BANK1: variants seen among roughly 807,000 people sequenced by gnomAD.
BANK1 encodes B-cell scaffold protein with ankyrin repeats.
A neutral mutation model predicts 94.5 loss-of-function variants in BANK1; 95 were observed. The observed-to-expected ratio is 1.00, with a 90% CI of 0.85 to 1.19. The LOEUF is 1.19. BANK1 is among the 50% of genes most tolerant of loss of function. The pLI, the probability that BANK1 is intolerant of heterozygous loss-of-function variation, is 0.00. For missense variants in BANK1, 987 were observed against 932.2 expected (o/e 1.06, Z -0.77); for synonymous variants, 334 against 308.4 (o/e 1.08, Z -0.87).
chr4:101,840,440 G>T (rs1379713641), intron 2 of BANK1, among the ~76,000 whole-genome samples: 1 of 152,134 alleles, frequency 6.6e-6, no homozygotes, highest in Non-Finnish European at 1.5e-5. Context: ...AATCTCTGAA[G>T]CACTGTGACT....
intron 1 of BANK1, among the ~76,000 whole-genome samples, chr4:101,826,286 C>T (rs907066946): frequency 1.3e-5 from 2 of 151,904 alleles, no homozygotes; most frequent in Non-Finnish European, 2.9e-5. Context: ...TTATTGTGTC[C>T]TTTGCTGTTA....
chr4:101,923,155 A>G (rs547622111), intron 7 of BANK1, among the ~76,000 whole-genome samples: 7 of 151,916 alleles, frequency 4.6e-5, no homozygotes, highest in African/African-American at 1.4e-4. Context: ...GAAGACCCAC[A>G]AAAAATATTG....
chr4:101,813,640 T>C (rs1725797555), intron 1 of BANK1, among the ~76,000 whole-genome samples: 1 of 152,156 alleles, frequency 6.6e-6, no homozygotes, highest in East Asian at 1.9e-4. Flanking sequence ...CTAGGAGAAA[T>C]GTAGTCGTGA....
chr4:101,900,146 T>G (rs982032815), intron 6 of BANK1, among the ~76,000 whole-genome samples: 1 of 152,200 alleles, frequency 6.6e-6, no homozygotes, highest in Non-Finnish European at 1.5e-5. Context: ...GCAATCTTAT[T>G]CATTCATTTA....
intron 7 of BANK1, among the ~76,000 whole-genome samples, chr4:101,944,287 A>G (rs1011512033): frequency 2.0e-5 from 3 of 151,896 alleles, no homozygotes; most frequent in East Asian, 1.9e-4. Flanking sequence ...GTGTAAAACT[A>G]TAGTGAATAA....
intron 15 of BANK1, among the ~76,000 whole-genome samples, chr4:102,072,650 A>G (rs1728797445): frequency 6.6e-6 from 1 of 152,226 alleles, no homozygotes; most frequent in Non-Finnish European, 1.5e-5. Flanking sequence ...ACATGTACAG[A>G]CCAAAAAAAT....
At chr4:101,930,448 G>A (rs1560637985) in intron 7 of BANK1, among the ~76,000 whole-genome samples, 1 of 151,444 alleles carries the variant, frequency 6.6e-6, no homozygotes, top group Non-Finnish European at 1.5e-5. Context: ...ATTTGAAAGT[G>A]ATAAACAAGG....
chr4:101,992,610 T>C (rs1424728631), intron 7 of BANK1, among the ~76,000 whole-genome samples: 1 of 152,144 alleles, frequency 6.6e-6, no homozygotes, highest in Non-Finnish European at 1.5e-5. Context: ...AGGATTTTTC[T>C]TTTTACATAT....
At chr4:101,852,182 A>G (rs1005955229) in intron 2 of BANK1, among the ~76,000 whole-genome samples, 1 of 151,934 alleles carries the variant, frequency 6.6e-6, no homozygotes, top group African/African-American at 2.4e-5. Context: ...GCTTTAATAC[A>G]TTCATTATCT....
At chr4:102,009,694 A>C (rs952830761) in intron 7 of BANK1, among the ~76,000 whole-genome samples, 3 of 152,236 alleles carry the variant, frequency 2.0e-5, no homozygotes, top group African/African-American at 7.2e-5. Context: ...TCATTAAATG[A>C]GGATTAAAAA....
intron 10 of BANK1, among the ~76,000 whole-genome samples, chr4:102,033,970 A>G (rs1727412431): frequency 6.6e-6 from 1 of 152,116 alleles, no homozygotes; most frequent in Non-Finnish European, 1.5e-5. Context: ...TTACCTCATC[A>G]GCTAATTCAT....
chr4:101,812,646 A>G (rs1578331132), intron 1 of BANK1, among the ~76,000 whole-genome samples: 1 of 152,046 alleles, frequency 6.6e-6, no homozygotes, highest in African/African-American at 2.4e-5. Flanking sequence ...AATGATTGGA[A>G]TATTTCTCCC....
intron 7 of BANK1, among the ~76,000 whole-genome samples, chr4:101,976,400 A>T (rs1560661903): frequency 6.6e-6 from 1 of 152,156 alleles, no homozygotes; most frequent in Non-Finnish European, 1.5e-5. Context: ...AATACACAAA[A>T]ATAATACACA....
At chr4:102,055,156 T>C (rs1728184025) in intron 11 of BANK1, among the ~76,000 whole-genome samples, 1 of 152,044 alleles carries the variant, frequency 6.6e-6, no homozygotes, top group Admixed American at 6.5e-5. Context: ...TTTAACTCAA[T>C]AGTTAACCAG....
At chr4:101,958,425 T>C in intron 7 of BANK1, among the ~76,000 whole-genome samples, 1 of 59,588 alleles carries the variant, frequency 1.7e-5, no homozygotes, top group Non-Finnish European at 4.9e-5. Context: ...ACAAACACTT[T>C]TTTTTTTTTT....
intron 4 of BANK1, among the ~76,000 whole-genome samples, chr4:101,865,369 T>A (rs1343061152): frequency 6.6e-6 from 1 of 152,028 alleles, no homozygotes; most frequent in Non-Finnish European, 1.5e-5. Flanking sequence ...GGGGTAGTAG[T>A]TTTAGGATGT....
intron 9 of BANK1, among the ~76,000 whole-genome samples, 182 bp from the exon 10 acceptor site, chr4:102,029,778 C>T (rs1727225664): frequency 6.6e-6 from 1 of 152,002 alleles, no homozygotes. Flanking sequence ...ACACAGCTCA[C>T]TTTTTCTGCA....
At chr4:101,961,154 T>C (rs372708089) in intron 7 of BANK1, among the ~76,000 whole-genome samples, 1 of 152,196 alleles carries the variant, frequency 6.6e-6, no homozygotes, top group East Asian at 1.9e-4. Flanking sequence ...GAGTGGAAGA[T>C]ATCCAGAGAT....
Position 101,829,820 on chromosome 4 carries a change from A to G in BANK1, c.83A>G (p.Asp28Gly). The G allele has an allele frequency of 6.5e-7, 1 of 1,542,590 alleles. No individual in the cohort carries two copies. The highest frequency in any genetic ancestry group is 8.7e-7 in the Non-Finnish European group (1 of 1,143,632). Reference protein sequence around the residue: ...CGPAPPGNTKDIIMIYEEDAE... With the variant: ...CGPAPPGNTKGIIMIYEEDAE... ...TTTCTTTTTCCAGGAAATACAAAAG[A>G]TATAATAATGATATATGAAGAAGAT... is the stretch of plus-strand genomic sequence containing the variant. The change falls in exon 2 of 17, where the codon GAT (aspartate) becomes GGT (glycine). Residue 28 changes from aspartate (D) to glycine (G), a missense_variant. Physicochemically the swap from Asp to Gly is moderately conservative, Grantham distance 94. Coordinates refer to ENST00000322953, the MANE Select transcript of BANK1 (RefSeq NM_017935.5).
Sources: allele counts gnomAD v4.1 joint callset (sites outside exome capture counted in the v4.1 genomes callset), GRCh38; gene constraint gnomAD v4.1.1; transcripts MANE v1.5; gene names NCBI Gene and HGNC (gene_info 2026-07-23, HGNC 2026-07-21).